MAP7D2: variants seen among roughly 807,000 people sequenced by gnomAD.
The protein encoded by MAP7D2 is MAP7 domain-containing protein 2.
A neutral mutation model predicts 63.5 loss-of-function variants in MAP7D2; 33 were observed. The observed-to-expected ratio is 0.52, with a 90% CI of 0.39 to 0.70. The LOEUF (loss-of-function observed/expected upper bound fraction) is 0.70. Ranked by LOEUF, MAP7D2 falls within the 30% of genes least tolerant of loss-of-function variation. The pLI, the probability that MAP7D2 is intolerant of heterozygous loss-of-function variation, is 0.00. For missense variants in MAP7D2, 626 were observed against 604.0 expected, an observed-to-expected ratio of 1.04 and a Z score of -0.38; for synonymous variants, 224 against 223.7, an observed-to-expected ratio of 1.00 and a Z score of -0.01.
intron 1 of MAP7D2, among the ~76,000 whole-genome samples, chrX:20,094,487 C>CATATATATATATATATATATATATATGT (rs2066154074): frequency 6.6e-5 from 1 of 15,112 alleles, no homozygotes; most frequent in Non-Finnish European, 1.0e-4. Context: ...AAAATACATA[C>CATATATATATATATATATATATATATGT]ATATATATAT....
At chrX:20,089,065 G>A (rs745745372) in intron 1 of MAP7D2, among the ~76,000 whole-genome samples, 6 of 111,950 alleles carry the variant, frequency 5.4e-5, no homozygotes, top group African/African-American at 1.9e-4. Context: ...ACAGGTGTGA[G>A]CCACCGTGCT....
At chrX:20,057,393 A>G (rs2065092877) in intron 3 of MAP7D2, among the ~76,000 whole-genome samples, 1 of 111,149 alleles carries the variant, frequency 9.0e-6, no homozygotes, top group Admixed American at 9.6e-5. Context: ...CCTTCTGGCC[A>G]CAAAAAAAAA....
chrX:20,018,122 A>G (rs756507580), intron 10 of MAP7D2, among the ~76,000 whole-genome samples: 2 of 110,262 alleles, frequency 1.8e-5, no homozygotes, highest in African/African-American at 6.6e-5. Context: ...ATGCGCCACC[A>G]TGTCTGGCTA....
At chrX:20,111,289 G>A (rs2066735707) in intron 1 of MAP7D2, among the ~76,000 whole-genome samples, 1 of 111,670 alleles carries the variant, frequency 9.0e-6, no homozygotes, top group Non-Finnish European at 1.9e-5. Context: ...ATTACTGTCT[G>A]GGAAGCTAAA....
intron 1 of MAP7D2, among the ~76,000 whole-genome samples, chrX:20,094,531 T>TAC (rs2066181296): frequency 1.2e-4 from 2 of 16,289 alleles, no homozygotes; most frequent in Non-Finnish European, 1.7e-4. Flanking sequence ...TATATATATA[T>TAC]ATATATATAT....
chrX:20,100,936 G>A (rs1428051996), intron 1 of MAP7D2, among the ~76,000 whole-genome samples: 3 of 108,818 alleles, frequency 2.8e-5, no homozygotes, highest in East Asian at 2.9e-4. Context: ...CAGGAGAATC[G>A]CTTGATCCCG....
At chrX:20,085,093 C>A (rs758518749) in intron 1 of MAP7D2, among the ~76,000 whole-genome samples, 1 of 111,855 alleles carries the variant, frequency 8.9e-6, no homozygotes, top group Non-Finnish European at 1.9e-5. Context: ...GTCAAACACA[C>A]GCCATCTGCC....
chrX:20,095,354 C>A (rs2066229435), intron 1 of MAP7D2, among the ~76,000 whole-genome samples: 1 of 111,356 alleles, frequency 9.0e-6, no homozygotes. Context: ...ACCTTGGCAA[C>A]ATAGTGAGAC....
At chrX:20,048,359 T>C (rs1327440458) in intron 6 of MAP7D2, among the ~76,000 whole-genome samples, 1 of 111,175 alleles carries the variant, frequency 9.0e-6, no homozygotes, top group Non-Finnish European at 1.9e-5. Flanking sequence ...TCGTAACTCA[T>C]TGCTGGGGTG....
intron 1 of MAP7D2, among the ~76,000 whole-genome samples, chrX:20,082,317 G>C (rs1258473674): frequency 8.9e-6 from 1 of 112,559 alleles, no homozygotes; most frequent in Non-Finnish European, 1.9e-5. Context: ...TTTGAGGCCA[G>C]GAGTTCAAGA....
chrX:20,011,021 G>C lies in MAP7D2; in HGVS notation c.2104C>G (p.Pro702Ala), dbSNP rs778075181. 3.2e-5 allele frequency: 39 copies of C among 1,208,794 alleles called. No individual in the cohort carries two copies. The East Asian group carries it at 1.1e-3, about 34-fold the overall frequency. ...PVSKEELISIPEFSPVSEMIP... is the reference protein window; with the variant it reads ...PVSKEELISIAEFSPVSEMIP... ...ATTTCACTCACTGGTGAAAATTCCG[G>C]GATAGAGATAAGCTCTTCTTTTGAA... The change falls in exon 16 of 17, where the codon CCG (proline) becomes GCG (alanine). Residue 702 changes from proline to alanine, a missense_variant. Coordinates refer to ENST00000379643, the MANE Select transcript of MAP7D2 (RefSeq NM_001168465.2).
At chrX:20,104,576 C>T (rs2066518834) in intron 1 of MAP7D2, among the ~76,000 whole-genome samples, 2 of 112,832 alleles carry the variant, frequency 1.8e-5, no homozygotes, top group Non-Finnish European at 3.7e-5. Flanking sequence ...GCTGGGATTA[C>T]AGGCATGAGC....
intron 3 of MAP7D2, among the ~76,000 whole-genome samples, chrX:20,061,374 CTG>C (rs1226865467): frequency 8.9e-5 from 10 of 111,895 alleles, no homozygotes; most frequent in African/African-American, 3.3e-4. Context: ...ACAAGCCAGC[CTG>C]TGTGTGGCAA....
chrX:20,032,179 G>A (rs1458454452), intron 8 of MAP7D2, among the ~76,000 whole-genome samples: 1 of 112,225 alleles, frequency 8.9e-6, no homozygotes, highest in Admixed American at 9.4e-5. Context: ...ATGATCCTCT[G>A]ATAAGACTCA....
At chrX:20,076,539 C>G (rs2148431700) in intron 1 of MAP7D2, among the ~76,000 whole-genome samples, 1 of 110,557 alleles carries the variant, frequency 9.0e-6, no homozygotes, top group East Asian at 2.8e-4. Flanking sequence ...AACCCCGTCT[C>G]TACTAAAAAT....
rs371091255 is a variant in MAP7D2, at chrX:20,047,566, C to T, written c.719-3042G>A. Among the ~76,000 whole-genome samples the T allele has an allele frequency of 1.6e-4, 17 of 107,417 alleles. No homozygotes were observed. In the East Asian group the frequency reaches 2.0e-3, roughly 13 times the overall value. The allele number at this position is 107,417 out of a possible 115,157, so 93.3% of individuals were successfully genotyped here. A position where few individuals can be genotyped will look rare whatever the true frequency, so the allele number is the denominator to read the frequency against. The stretch of plus-strand genomic sequence containing the variant: ...GTGGCTTAAGCCTGTAATCCCAGCA[C>T]TTTGGGAGGCCGAGGTGGGAGGATC... On this transcript the variant is annotated intron_variant, in intron 6 of 16. Transcript: ENST00000379643.
intron 6 of MAP7D2, among the ~76,000 whole-genome samples, chrX:20,050,279 T>C (rs2064912192): frequency 8.9e-6 from 1 of 111,904 alleles, no homozygotes; most frequent in South Asian, 3.8e-4. Context: ...GCTGCTGCCA[T>C]TGCTGGTCCA....
At chrX:20,016,652 C>G (rs1288661536) in intron 10 of MAP7D2, among the ~76,000 whole-genome samples, 2 of 112,430 alleles carry the variant, frequency 1.8e-5, no homozygotes, top group Non-Finnish European at 3.8e-5. Context: ...AGCCATCATT[C>G]TTATTGAATG....
In MAP7D2 at chrX:20,010,033, T is replaced by G. The variant is rs777787688; in HGVS notation, c.*26+744A>C. Among the ~76,000 whole-genome samples the G allele has an allele frequency of 6.2e-4, 69 of 111,763 alleles. 1 individual carries two copies. The highest frequency in any genetic ancestry group is 1.1e-3 in the Non-Finnish European group (59 of 53,087). Reference sequence around the variant, plus strand: ...CAGAATCTGAAGTGGGAGGAGCAATTGGAATTATTAAATTATTAAAGGATT... The same window carrying G: ...CAGAATCTGAAGTGGGAGGAGCAATGGGAATTATTAAATTATTAAAGGATT... On this transcript the variant is annotated intron_variant, in intron 16 of 16. Coordinates refer to ENST00000379643, the MANE Select transcript of MAP7D2 (RefSeq NM_001168465.2).
Sources: allele counts gnomAD v4.1 joint callset (sites outside exome capture counted in the v4.1 genomes callset), GRCh38; gene constraint gnomAD v4.1.1; transcripts MANE v1.5; gene names NCBI Gene and HGNC (gene_info 2026-07-23, HGNC 2026-07-21).